The following NUBPL variants were observed in gnomAD, a reference collection of about 807,000 sequenced individuals.
NUBPL encodes the protein NUBP iron-sulfur cluster assembly factor, mitochondrial, also known as iron-sulfur cluster transfer protein NUBPL.
NUBPL carries 31 observed loss-of-function variants against 45.7 expected under a neutral mutation model. The ratio of observed to expected loss-of-function variants is 0.68; its 90% CI spans 0.51 to 0.92. The LOEUF (loss-of-function observed/expected upper bound fraction) is 0.92, where lower values mean the gene tolerates loss of function less well. NUBPL is among the 40% of genes least tolerant of loss of function. The pLI is 0.00. For missense variants in NUBPL, 401 were observed against 398.7 expected (o/e 1.01, Z -0.05); for synonymous variants, 144 against 140.9 (o/e 1.02, Z -0.15).
intron 6 of NUBPL, among the ~76,000 whole-genome samples, chr14:31,755,162 T>G (rs574168766): frequency 6.6e-6 from 1 of 152,168 alleles, no homozygotes; most frequent in East Asian, 1.9e-4. Context: ...TAAACATACG[T>G]GTGCATGTGT....
chr14:31,850,742 TCCCC>T (rs1267755437), intron 10 of NUBPL, among the ~76,000 whole-genome samples: 3 of 151,556 alleles, frequency 2.0e-5, no homozygotes, highest in Non-Finnish European at 4.4e-5. Flanking sequence ...CATCTCACCC[TCCCC>T]TCCCGAGTAG....
chr14:31,775,979 T>C (rs1340134262), intron 6 of NUBPL, among the ~76,000 whole-genome samples: 1 of 152,226 alleles, frequency 6.6e-6, no homozygotes, highest in Admixed American at 6.5e-5. Flanking sequence ...CATTTCTATA[T>C]AAGCATTTCT....
At chr14:31,744,897 G>C (rs549120390) in intron 6 of NUBPL, among the ~76,000 whole-genome samples, 17 of 151,884 alleles carry the variant, frequency 1.1e-4, no homozygotes, top group Middle Eastern at 3.4e-3. Flanking sequence ...TGGGATTACA[G>C]GTGTAAGCCA....
At position 31,601,991 on chromosome 14, in the gene NUBPL, G is replaced by A. The variant is rs142627076; in HGVS notation, c.382+2612G>A. On this transcript the variant is annotated intron_variant, in intron 4 of 10. Coordinates refer to ENST00000281081, the MANE Select transcript of NUBPL (RefSeq NM_025152.3). ...ATAGCAAAGACTTGGAACCAACCCA[G>A]ATGTCCAACAATGATAGACTGGATT... Among the ~76,000 whole-genome samples the A allele has an allele frequency of 3.0e-3, 451 of 152,234 alleles. 4 individuals are homozygous for A. The highest frequency in any genetic ancestry group is 9.6e-3 in the African/African-American group (398 of 41,540).
At chr14:31,595,335 T>C (rs1221061092) in intron 3 of NUBPL, among the ~76,000 whole-genome samples, 1 of 152,230 alleles carries the variant, frequency 6.6e-6, no homozygotes, top group Non-Finnish European at 1.5e-5. Flanking sequence ...AAAGAGTATA[T>C]TGTTAGATAC....
In NUBPL at chr14:31,648,103, G is replaced by A. The variant is rs547421114; in HGVS notation, c.383-25252G>A. 1.5e-4 allele frequency among the ~76,000 whole-genome samples: 23 copies of A among 152,192 alleles called. No homozygotes were observed. The South Asian group carries it at 1.9e-3, about 12-fold the overall frequency. On this transcript the variant is annotated intron_variant, in intron 4 of 10. Coordinates refer to ENST00000281081, the MANE Select transcript of NUBPL (RefSeq NM_025152.3). ...CTGATTTTTCTGTTGTATCTTTTCT[G>A]TCAGCAAAATGAATTAGCTTTGTGA...
intron 6 of NUBPL, among the ~76,000 whole-genome samples, chr14:31,706,096 G>A (rs2037445056): frequency 6.6e-6 from 1 of 152,168 alleles, no homozygotes; most frequent in Admixed American, 6.5e-5. Context: ...AGTGGACACC[G>A]AGGCTGAGGA....
intron 4 of NUBPL, among the ~76,000 whole-genome samples, chr14:31,643,908 A>G (rs1205360852): frequency 6.6e-6 from 1 of 151,924 alleles, no homozygotes; most frequent in Non-Finnish European, 1.5e-5. Flanking sequence ...CGTTTCTTGT[A>G]GGTTTTCCAA....
chr14:31,729,402 A>C (rs2038001394), intron 6 of NUBPL, among the ~76,000 whole-genome samples: 1 of 152,168 alleles, frequency 6.6e-6, no homozygotes. Flanking sequence ...ATAAGTAAAC[A>C]AACATAGAAT....
chr14:31,735,725 GC>G (rs948437832), intron 6 of NUBPL, among the ~76,000 whole-genome samples: 3 of 152,120 alleles, frequency 2.0e-5, no homozygotes, highest in African/African-American at 7.2e-5. Flanking sequence ...CGTCGCGCAT[GC>G]CTGTAATCCC....
chr14:31,690,632 C>A (rs921449480), intron 6 of NUBPL, among the ~76,000 whole-genome samples: 1 of 152,176 alleles, frequency 6.6e-6, no homozygotes, highest in African/African-American at 2.4e-5. Flanking sequence ...TTAAAGCTAT[C>A]AAGCCCAAAA....
chr14:31,744,002 A>G (rs974923297), intron 6 of NUBPL, among the ~76,000 whole-genome samples: 19 of 152,186 alleles, frequency 1.2e-4, no homozygotes, highest in Admixed American at 3.9e-4. Flanking sequence ...AGGATAATAT[A>G]TTAGATGAAT....
chr14:31,825,198 A>G (rs1270463108), intron 7 of NUBPL, among the ~76,000 whole-genome samples: 1 of 129,962 alleles, frequency 7.7e-6, no homozygotes, highest in African/African-American at 2.5e-5. Flanking sequence ...AGTTTTTAAG[A>G]ATATAAACTT....
In NUBPL at chr14:31,561,485, C is replaced by G; in HGVS notation, c.46C>G (p.Arg16Gly). The G allele has an allele frequency of 7.1e-7, 1 of 1,405,306 alleles. No homozygotes were observed. The highest frequency in any genetic ancestry group is 9.3e-7 in the Non-Finnish European group (1 of 1,070,836). The allele number at this position is 1,405,306 out of a possible 1,614,324, so 87.1% of individuals were successfully genotyped here. ...GCTGCTTTTTGGTGGGGTGTCGCTCCGGGCTGGTGGCGGGGCCACTGCCCC... is the reference window on the plus strand; with the variant it reads ...GCTGCTTTTTGGTGGGGTGTCGCTCGGGGCTGGTGGCGGGGCCACTGCCCC... Reference protein sequence around the residue: ...RLLLFGGVSLRAGGGATAPLG... With the variant: ...RLLLFGGVSLGAGGGATAPLG... The change falls in exon 1 of 11, where the codon CGG becomes GGG. Residue 16 changes from arginine (R) to glycine (G), a missense_variant. Coordinates refer to ENST00000281081, the MANE Select transcript of NUBPL (RefSeq NM_025152.3).
chr14:31,581,161 G>A (rs1239383101), intron 3 of NUBPL, among the ~76,000 whole-genome samples: 1 of 151,062 alleles, frequency 6.6e-6, no homozygotes, highest in Admixed American at 6.6e-5. Flanking sequence ...AGGAGGACTT[G>A]CTGATGAATT....
chr14:31,638,267 C>G (rs2035567960), intron 4 of NUBPL, among the ~76,000 whole-genome samples: 1 of 151,560 alleles, frequency 6.6e-6, no homozygotes, highest in Non-Finnish European at 1.5e-5. Flanking sequence ...TTCAGGAGCT[C>G]TTTTAGGGCA....
chr14:31,672,223 A>G (rs1170004189), intron 4 of NUBPL, among the ~76,000 whole-genome samples: 1 of 151,970 alleles, frequency 6.6e-6, no homozygotes, highest in Non-Finnish European at 1.5e-5. Flanking sequence ...TAAGCTAAGT[A>G]AAGGAACAAA....
chr14:31,570,055 A>T (rs1481977363), intron 3 of NUBPL, among the ~76,000 whole-genome samples: 3 of 152,188 alleles, frequency 2.0e-5, no homozygotes, highest in Non-Finnish European at 4.4e-5. Context: ...AGTTCATTTT[A>T]GTTCAGCAAA....
intron 6 of NUBPL, among the ~76,000 whole-genome samples, chr14:31,701,697 C>T (rs1337663392): frequency 6.6e-6 from 1 of 152,210 alleles, no homozygotes; most frequent in African/African-American, 2.4e-5. Flanking sequence ...AGGTCTGTAG[C>T]TTCACTCCTG....
Sources: gnomAD v4.1 joint callset for allele counts (sites outside exome capture counted in the v4.1 genomes callset) on GRCh38, gnomAD v4.1.1 for gene constraint, MANE v1.5 for transcripts, NCBI Gene and HGNC (gene_info 2026-07-23, HGNC 2026-07-21) for gene names.